NEBL: variants seen among roughly 807,000 people sequenced by gnomAD.
NEBL encodes nebulette.
Under a neutral mutation model 140.2 loss-of-function variants are expected in NEBL, and 122 were observed. The ratio of observed to expected loss-of-function variants is 0.87; its 90% CI spans 0.75 to 1.01. The LOEUF (loss-of-function observed/expected upper bound fraction) is 1.01, where lower values mean the gene tolerates loss of function less well. NEBL is among the 50% of genes least tolerant of loss of function. The pLI, the probability that NEBL is intolerant of heterozygous loss-of-function variation, is 0.00. For missense variants in NEBL, 1,365 were observed against 1,231.3 expected (o/e 1.11, Z -1.62); for synonymous variants, 436 against 398.9 (o/e 1.09, Z -1.11).
At chr10:20,961,839 G>T in intron 3 of NEBL, 3 of 1,319,592 alleles carry the variant, frequency 2.3e-6, no homozygotes, top group Non-Finnish European at 3.3e-6. Context: ...CTCGGGATAG[G>T]CTGGGCCAAC....
intron 2 of NEBL, among the ~76,000 whole-genome samples, chr10:21,164,188 G>A (rs1026742694): frequency 2.6e-5 from 4 of 152,138 alleles, no homozygotes; most frequent in Non-Finnish European, 1.5e-5. Context: ...TAGATTCCAC[G>A]GTAAAGCCAA....
At chr10:21,057,542 CTTTTTTTTTT>C (rs5783764) in intron 2 of NEBL, among the ~76,000 whole-genome samples, 4 of 71,728 alleles carry the variant, frequency 5.6e-5, no homozygotes, top group Non-Finnish European at 9.4e-5. Flanking sequence ...AATGAAATTC[CTTTTTTTTTT>C]TTTTTTTTTT....
At chr10:21,099,506 C>G (rs765232569) in intron 2 of NEBL, among the ~76,000 whole-genome samples, 5 of 152,144 alleles carry the variant, frequency 3.3e-5, no homozygotes, top group African/African-American at 1.2e-4. Context: ...TTCCCCCAAC[C>G]ACCACCCCTT....
intron 2 of NEBL, among the ~76,000 whole-genome samples, chr10:20,895,943 G>A (rs1368536907): frequency 6.6e-6 from 1 of 152,152 alleles, no homozygotes; most frequent in African/African-American, 2.4e-5. Flanking sequence ...ACAGCTGAGG[G>A]ATGGAGCCAA....
chr10:20,842,051 T>C (rs1841455469), intron 12 of NEBL, among the ~76,000 whole-genome samples: 2 of 152,116 alleles, frequency 1.3e-5, no homozygotes, highest in Non-Finnish European at 2.9e-5. Context: ...CTAAGTTGCA[T>C]TTATGATTAA....
chr10:20,903,630 C>A (rs1588984724), intron 4 of NEBL, among the ~76,000 whole-genome samples: 1 of 152,204 alleles, frequency 6.6e-6, no homozygotes, highest in Non-Finnish European at 1.5e-5. Flanking sequence ...TGGACATCAA[C>A]CAATAACTGG....
chr10:21,091,201 T>G (rs1290336841), intron 2 of NEBL, among the ~76,000 whole-genome samples: 2 of 152,218 alleles, frequency 1.3e-5, no homozygotes, highest in Non-Finnish European at 2.9e-5. Context: ...TGTTTCACAT[T>G]TAGCTAAGAA....
intron 2 of NEBL, among the ~76,000 whole-genome samples, chr10:21,043,905 T>C (rs1162755698): frequency 6.6e-6 from 1 of 152,214 alleles, no homozygotes; most frequent in Non-Finnish European, 1.5e-5. Flanking sequence ...GAGAGAATTA[T>C]AAAATGAGTG....
chr10:21,165,760 G>T (rs1840735128), intron 2 of NEBL, among the ~76,000 whole-genome samples: 1 of 152,112 alleles, frequency 6.6e-6, no homozygotes, highest in Admixed American at 6.5e-5. Flanking sequence ...GACCTATGTG[G>T]TGACTGTGTT....
At chr10:21,034,333 A>C (rs1044545331) in intron 2 of NEBL, among the ~76,000 whole-genome samples, 11 of 152,166 alleles carry the variant, frequency 7.2e-5, no homozygotes, top group Non-Finnish European at 1.6e-4. Flanking sequence ...AAAAATAACA[A>C]GAACAACCAC....
chr10:21,119,074 C>T (rs963670450), intron 2 of NEBL, among the ~76,000 whole-genome samples: 1 of 152,170 alleles, frequency 6.6e-6, no homozygotes, highest in African/African-American at 2.4e-5. Context: ...CCTTTCTCTA[C>T]TCCAAAAATA....
chr10:21,270,460 G>A (rs1842848637), intron 1 of NEBL, among the ~76,000 whole-genome samples: 2 of 151,134 alleles, frequency 1.3e-5, no homozygotes, highest in Admixed American at 6.6e-5. Flanking sequence ...TCCACCTCCT[G>A]AGTTCAAGTG....
chr10:20,839,603 T>C (rs1277369154), intron 13 of NEBL, among the ~76,000 whole-genome samples: 1 of 152,186 alleles, frequency 6.6e-6, no homozygotes, highest in East Asian at 1.9e-4. Flanking sequence ...AGAATGTGAA[T>C]ATAGCTGAGA....
chr10:21,273,027 G>A (rs1006918038), intron 1 of NEBL, among the ~76,000 whole-genome samples: 2 of 152,162 alleles, frequency 1.3e-5, no homozygotes, highest in Non-Finnish European at 2.9e-5. Flanking sequence ...TCTAGGTACA[G>A]GAAAGAGGAA....
chr10:20,907,389 G>A (rs1038582038), intron 4 of NEBL, among the ~76,000 whole-genome samples: 1 of 152,088 alleles, frequency 6.6e-6, no homozygotes, highest in African/African-American at 2.4e-5. Flanking sequence ...ATGAAATGAC[G>A]TAAAGTCCCA....
At chr10:20,948,064 G>T (rs1488579668) in intron 4 of NEBL, among the ~76,000 whole-genome samples, 2 of 152,242 alleles carry the variant, frequency 1.3e-5, no homozygotes, top group African/African-American at 4.8e-5. Flanking sequence ...GTCCTGGGTC[G>T]CATGTGGCCC....
intron 3 of NEBL, among the ~76,000 whole-genome samples, chr10:21,187,148 C>G (rs1841487670): frequency 6.6e-6 from 1 of 152,206 alleles, no homozygotes; most frequent in Admixed American, 6.5e-5. Context: ...TACACACATG[C>G]ACACGTCTGA....
chr10:20,787,382 G>GCATAACATCACTC, intron 26 of NEBL, 74 bp from the exon 27 acceptor site: 1 of 1,142,356 alleles, frequency 8.8e-7, no homozygotes, highest in Non-Finnish European at 1.3e-6. Flanking sequence ...AACCCTCAGA[G>GCATAACATCACTC]TGATGTTATG....
chr10:21,184,006 G>A (rs1465090866), intron 3 of NEBL, among the ~76,000 whole-genome samples: 2 of 152,086 alleles, frequency 1.3e-5, no homozygotes, highest in Non-Finnish European at 1.5e-5. Flanking sequence ...TGATTGTGAG[G>A]CCTCCCCTGC....
Sources: allele counts gnomAD v4.1 joint callset (sites outside exome capture counted in the v4.1 genomes callset), GRCh38; gene constraint gnomAD v4.1.1; transcripts MANE v1.5; gene names NCBI Gene and HGNC (gene_info 2026-07-23, HGNC 2026-07-21).